The following XPO4 variants were observed in gnomAD, a reference collection of about 807,000 sequenced individuals.
XPO4 encodes exportin-4.
XPO4 carries 39 observed loss-of-function variants against 143.0 expected under a neutral mutation model. The observed-to-expected ratio is 0.27, with a 90% CI of 0.21 to 0.36. XPO4 has a LOEUF of 0.36. Among genes scored for constraint, XPO4 ranks in the 10% least tolerant of loss-of-function variants. XPO4 has a pLI of 1.00. For missense variants in XPO4, 907 were observed against 1,348.0 expected (o/e 0.67, Z 5.12); for synonymous variants, 439 against 474.0 (o/e 0.93, Z 0.96).
In XPO4 at chr13:20,795,846, C is replaced by T. The variant is rs570000643; in HGVS notation, c.2797+230G>A. Among the ~76,000 whole-genome samples the T allele has an allele frequency of 1.1e-3, 170 of 152,242 alleles. 2 individuals are homozygous for T. The highest frequency in any genetic ancestry group is 6.8e-3 in the Middle Eastern group (2 of 294). ...TGTGAGAGGTAAGAACAGTGCATGGCATTTAGTAAGATCTCAATGAATGAG... is the reference window on the plus strand; with the variant it reads ...TGTGAGAGGTAAGAACAGTGCATGGTATTTAGTAAGATCTCAATGAATGAG... On this transcript the variant is annotated intron_variant, in intron 18 of 22. Coordinates refer to ENST00000255305, the MANE Select transcript of XPO4 (RefSeq NM_022459.5).
chr13:20,895,457 C>A (rs972153121), intron 1 of XPO4, among the ~76,000 whole-genome samples: 3 of 151,880 alleles, frequency 2.0e-5, no homozygotes, highest in Non-Finnish European at 4.4e-5. Context: ...CAAGGTGAAA[C>A]CCTGTCCCTA....
chr13:20,863,260 C>A, intron 2 of XPO4: 1 of 281,296 alleles, frequency 3.6e-6, no homozygotes, highest in East Asian at 1.7e-4. Context: ...TTGAACATTA[C>A]TACCTGTGAT....
At chr13:20,818,707 T>C (rs9509384) in intron 9 of XPO4, among the ~76,000 whole-genome samples, 54,510 of 152,100 alleles carry the variant, frequency 0.36, 12,167 homozygotes, top group Non-Finnish European at 0.5. Context: ...GTGGTAAGAG[T>C]GCACACAGGT....
In XPO4 at chr13:20,863,171, C is replaced by G. The variant is rs545912797; in HGVS notation, c.176-313G>C. Reference sequence around the variant, plus strand: ...AAAAAATAAAAATAAAAATATAAAGCAATCAGAAAATTTCCTAAGATTCTC... The same window carrying G: ...AAAAAATAAAAATAAAAATATAAAGGAATCAGAAAATTTCCTAAGATTCTC... On this transcript the variant is annotated intron_variant, in intron 2 of 22. Transcript: ENST00000255305. 5.0e-6 allele frequency: 5 copies of G among 990,360 alleles called. No homozygotes were observed. In the South Asian group the frequency reaches 2.1e-4, roughly 42 times the overall value. 61.3% of individuals were successfully genotyped at this position (990,360 alleles called of 1,614,324 possible).
intron 1 of XPO4, among the ~76,000 whole-genome samples, chr13:20,897,079 G>C (rs1433781666): frequency 6.6e-6 from 1 of 152,090 alleles, no homozygotes; most frequent in Non-Finnish European, 1.5e-5. Context: ...TTGAGAAAAA[G>C]AATGCTGTGC....
intron 1 of XPO4, among the ~76,000 whole-genome samples, chr13:20,900,041 G>A (rs1428202232): frequency 2.0e-5 from 3 of 152,150 alleles, no homozygotes; most frequent in African/African-American, 7.2e-5. Flanking sequence ...GTAAATTTGT[G>A]TAGATTACTT....
chr13:20,798,956 G>GGCTGCAATGAGCTGAGACT (rs1454044990), intron 16 of XPO4, among the ~76,000 whole-genome samples: 2 of 151,782 alleles, frequency 1.3e-5, no homozygotes, highest in Admixed American at 1.3e-4. Context: ...GGGAGGTAGA[G>GGCTGCAATGAGCTGAGACT]GCTGCAATGA....
At chr13:20,828,219 G>A (rs557025615) in intron 6 of XPO4, among the ~76,000 whole-genome samples, 1 of 152,254 alleles carries the variant, frequency 6.6e-6, no homozygotes, top group South Asian at 2.1e-4. Flanking sequence ...CAGCCTGGGT[G>A]GCAGGGAGAG....
chr13:20,898,788 T>C (rs2060592626), intron 1 of XPO4, among the ~76,000 whole-genome samples: 1 of 151,918 alleles, frequency 6.6e-6, no homozygotes, highest in South Asian at 2.1e-4. Flanking sequence ...ACACTAAACT[T>C]TTCAATAATG....
intron 6 of XPO4, among the ~76,000 whole-genome samples, chr13:20,838,186 A>G (rs1375352407): frequency 2.6e-5 from 4 of 152,260 alleles, no homozygotes; most frequent in African/African-American, 9.6e-5. Context: ...AAATATTAAT[A>G]TCTAAATATT....
At chr13:20,819,397 C>G (rs990569662) in intron 9 of XPO4, among the ~76,000 whole-genome samples, 3 of 152,104 alleles carry the variant, frequency 2.0e-5, no homozygotes, top group African/African-American at 7.2e-5. Flanking sequence ...CGCGGTGGCT[C>G]ACACCTGTAA....
intron 3 of XPO4, chr13:20,857,879 C>A: frequency 1.0e-6 from 1 of 985,244 alleles, no homozygotes; most frequent in South Asian, 4.7e-5. Context: ...GTGCATTTCA[C>A]TGTATACAAA....
chr13:20,786,188 G>C (rs1006455495), intron 22 of XPO4, among the ~76,000 whole-genome samples: 2 of 151,980 alleles, frequency 1.3e-5, no homozygotes, highest in Non-Finnish European at 2.9e-5. Context: ...GGGAAGTCTA[G>C]AGAAAGGAGG....
intron 9 of XPO4, among the ~76,000 whole-genome samples, chr13:20,815,874 G>A (rs2059643664): frequency 6.6e-6 from 1 of 152,140 alleles, no homozygotes; most frequent in South Asian, 2.1e-4. Context: ...AACACTGGCT[G>A]GGAAGTTCAC....
chr13:20,882,824 T>G (rs986287478), intron 1 of XPO4, among the ~76,000 whole-genome samples: 7 of 151,476 alleles, frequency 4.6e-5, no homozygotes, highest in Admixed American at 2.6e-4. Context: ...AGGGCAGAGG[T>G]TGCAGTGAGC....
At chr13:20,852,850 A>G in intron 4 of XPO4, 1 of 984,714 alleles carries the variant, frequency 1.0e-6, no homozygotes, top group South Asian at 4.7e-5. Flanking sequence ...TGTAACAGAA[A>G]ATATAAATTG....
chr13:20,822,359 G>A (rs1453864945), intron 7 of XPO4, 70 bp from the exon 8 acceptor site: 11 of 1,355,548 alleles, frequency 8.1e-6, no homozygotes, highest in Admixed American at 4.8e-5. Context: ...CTACCATGCC[G>A]AATGAGGTAA....
chr13:20,902,703 G>C lies in XPO4; in HGVS notation c.36C>G (p.Ile12Met). ...CTTTAGCCGCGTTCTCCAGCTGAGC[G>C]ATCACTTCTGGGGGCCCCAGCGCCG... ...MAAALGPPEV[I>M]AQLENAAKVL... is the part of the protein sequence containing the mutation. The change falls in exon 1 of 23, where the codon ATC (isoleucine) becomes ATG (methionine). Residue 12 changes from isoleucine to methionine, a missense_variant. Ile to Met is a conservative substitution (Grantham distance 10). Transcript: ENST00000255305. 6.3e-7 allele frequency: 1 copy of C among 1,585,432 alleles called. No individual in the cohort carries two copies. Among genetic ancestry groups the C allele is most frequent in the Non-Finnish European group, 8.6e-7 (1 of 1,166,406 alleles).
intron 6 of XPO4, among the ~76,000 whole-genome samples, chr13:20,837,131 C>G (rs1003811914): frequency 2.6e-5 from 4 of 152,112 alleles, no homozygotes; most frequent in Admixed American, 2.0e-4. Context: ...TCATATAGTA[C>G]TGCTCTGAAC....
Sources: gnomAD v4.1 joint callset for allele counts (sites outside exome capture counted in the v4.1 genomes callset) on GRCh38, gnomAD v4.1.1 for gene constraint, MANE v1.5 for transcripts, NCBI Gene and HGNC (gene_info 2026-07-23, HGNC 2026-07-21) for gene names.